The following FCHSD2 variants were observed in gnomAD, a reference collection of about 807,000 sequenced individuals.
FCHSD2 encodes the protein F-BAR and double SH3 domains protein 2.
A neutral mutation model predicts 108.1 loss-of-function variants in FCHSD2; 38 were observed. The ratio of observed to expected loss-of-function variants is 0.35; its 90% confidence interval spans 0.27 to 0.46. FCHSD2 has a LOEUF of 0.46. FCHSD2 is among the 20% of genes least tolerant of loss of function. FCHSD2 has a pLI of 1.00. For missense variants in FCHSD2, 751 were observed against 897.8 expected (o/e 0.84, Z 2.09); for synonymous variants, 279 against 314.7 (o/e 0.89, Z 1.20).
At position 73,124,928 on chromosome 11, in the gene FCHSD2, C is replaced by T. The variant is rs4944824; in HGVS notation, c.119+15103G>A. Among the ~76,000 whole-genome samples the T allele has an allele frequency of 4.7e-3, 713 of 152,292 alleles. 19 individuals carry two copies. The highest frequency in any genetic ancestry group is 0.037 in the Admixed American group (561 of 15,298). ...AAAAAGCTATTAGAGCAAGGGAAAG[C>T]ACATTCCATAGATGTGAACAAGTCT... On this transcript the variant is annotated intron_variant, in intron 2 of 19. Transcript: ENST00000409418.
chr11:72,993,362 G>T (rs1455735838), intron 5 of FCHSD2, among the ~76,000 whole-genome samples: 1 of 152,196 alleles, frequency 6.6e-6, no homozygotes, highest in East Asian at 1.9e-4. Context: ...GATTCCTCAG[G>T]GATCTAGAAC....
chr11:73,014,201 A>G (rs1424410795), intron 4 of FCHSD2, among the ~76,000 whole-genome samples: 2 of 136,176 alleles, frequency 1.5e-5, no homozygotes, highest in East Asian at 4.2e-4. Flanking sequence ...GTGCATTCAT[A>G]GCTCACTGCA....
chr11:72,980,754 A>G (rs1857201128), intron 8 of FCHSD2, among the ~76,000 whole-genome samples: 2 of 150,868 alleles, frequency 1.3e-5, no homozygotes, highest in South Asian at 4.2e-4. Flanking sequence ...GTGTGTATAT[A>G]TATGTGTATG....
chr11:72,924,327 G>T (rs1318666166), intron 8 of FCHSD2, among the ~76,000 whole-genome samples: 1 of 152,016 alleles, frequency 6.6e-6, no homozygotes, highest in Admixed American at 6.5e-5. Context: ...GCCCAGGCTG[G>T]AGTGCAGTGG....
chr11:73,090,337 T>C (rs1442901130), intron 2 of FCHSD2, among the ~76,000 whole-genome samples: 1 of 149,476 alleles, frequency 6.7e-6, no homozygotes, highest in East Asian at 2.0e-4. Context: ...GCCATTCTCC[T>C]GCCTCAGCCT....
intron 2 of FCHSD2, among the ~76,000 whole-genome samples, chr11:73,115,622 G>C (rs755593492): frequency 6.6e-6 from 1 of 152,192 alleles, no homozygotes. Flanking sequence ...CAGATAGCTA[G>C]ACACAGACAG....
intron 8 of FCHSD2, among the ~76,000 whole-genome samples, chr11:72,927,844 G>C (rs866217362): frequency 1.3e-5 from 2 of 152,198 alleles, no homozygotes; most frequent in South Asian, 4.1e-4. Flanking sequence ...ACTGTAGATG[G>C]ATCAGCAGCT....
intron 10 of FCHSD2, among the ~76,000 whole-genome samples, chr11:72,901,213 G>A (rs1855518471): frequency 6.6e-6 from 1 of 152,010 alleles, no homozygotes; most frequent in African/African-American, 2.4e-5. Context: ...GCAACATGGT[G>A]AGACCCCCCC....
At chr11:72,945,302 G>A (rs1372707232) in intron 8 of FCHSD2, among the ~76,000 whole-genome samples, 1 of 152,190 alleles carries the variant, frequency 6.6e-6, no homozygotes, top group African/African-American at 2.4e-5. Flanking sequence ...ATGGGGAAAC[G>A]ATTCCCTATT....
intron 2 of FCHSD2, among the ~76,000 whole-genome samples, chr11:73,137,576 T>C (rs1861148344): frequency 6.6e-6 from 1 of 152,198 alleles, no homozygotes; most frequent in Admixed American, 6.5e-5. Context: ...AAATGAATAA[T>C]AGCCCATAAC....
chr11:72,942,667 C>T (rs745962873), intron 8 of FCHSD2, among the ~76,000 whole-genome samples: 46 of 152,116 alleles, frequency 3.0e-4, no homozygotes, highest in Non-Finnish European at 5.7e-4. Context: ...AAAATACATA[C>T]TTTATTAAAA....
intron 4 of FCHSD2, among the ~76,000 whole-genome samples, 196 bp downstream of exon 4, chr11:73,015,613 T>C (rs1857954275): frequency 6.6e-6 from 1 of 152,168 alleles, no homozygotes; most frequent in Admixed American, 6.5e-5. Flanking sequence ...TGATCTATTT[T>C]ATATAGATTA....
At chr11:72,987,988 C>T (rs772078911) in intron 6 of FCHSD2, among the ~76,000 whole-genome samples, 10 of 152,196 alleles carry the variant, frequency 6.6e-5, no homozygotes, top group Non-Finnish European at 1.0e-4. Context: ...TTTCCTGTAA[C>T]ATCAAGTCCT....
intron 9 of FCHSD2, among the ~76,000 whole-genome samples, chr11:72,916,702 A>G (rs1855880756): frequency 6.6e-6 from 1 of 152,192 alleles, no homozygotes; most frequent in Non-Finnish European, 1.5e-5. Flanking sequence ...TTTATCAGAT[A>G]TGTGATGTGC....
At chr11:73,053,145 C>CTTTTTTT (rs771262833) in intron 3 of FCHSD2, among the ~76,000 whole-genome samples, 1 of 102,972 alleles carries the variant, frequency 9.7e-6, no homozygotes, top group Non-Finnish European at 2.0e-5. Flanking sequence ...TGCACCCAGC[C>CTTTTTTT]TTTTTTTTTT....
chr11:72,907,598 G>GTTTTTTTTTTTTTTTTTTTTTTTTT (rs200788964), intron 9 of FCHSD2, among the ~76,000 whole-genome samples: 2 of 72,714 alleles, frequency 2.8e-5, no homozygotes, highest in Non-Finnish European at 2.4e-5. Context: ...TAATCACGTG[G>GTTTTTTTTTTTTTTTTTTTTTTTTT]GTTTTTTTTT....
At chr11:73,009,623 A>C (rs1857817880) in intron 4 of FCHSD2, among the ~76,000 whole-genome samples, 1 of 152,134 alleles carries the variant, frequency 6.6e-6, no homozygotes, top group Admixed American at 6.5e-5. Context: ...TGTCTGGGAA[A>C]GAATTTACTT....
chr11:73,052,390 G>C (rs1454309052), intron 3 of FCHSD2, among the ~76,000 whole-genome samples: 1 of 151,980 alleles, frequency 6.6e-6, no homozygotes, highest in African/African-American at 2.4e-5. Context: ...CCATCATTGA[G>C]AAACTCTTGG....
intron 2 of FCHSD2, among the ~76,000 whole-genome samples, chr11:73,096,063 A>T (rs1203701426): frequency 6.6e-6 from 1 of 152,134 alleles, no homozygotes; most frequent in Non-Finnish European, 1.5e-5. Context: ...CTCATTCAAA[A>T]ATAAACCACC....
Sources: allele counts gnomAD v4.1 joint callset (sites outside exome capture counted in the v4.1 genomes callset), GRCh38; gene constraint gnomAD v4.1.1; transcripts MANE v1.5; gene names NCBI Gene and HGNC (gene_info 2026-07-23, HGNC 2026-07-21).